ABCF1: variants seen among roughly 807,000 people sequenced by gnomAD.
ABCF1 encodes the protein ATP-binding cassette sub-family F member 1.
In ABCF1, 73 loss-of-function variants were observed where a neutral mutation model predicts 126.3. That is an observed-to-expected ratio of 0.58 (90% CI 0.48 to 0.70). The LOEUF is 0.70. ABCF1 is among the 30% of genes least tolerant of loss of function. The probability of loss-of-function intolerance (pLI) is 0.00; values close to 1 mark genes in which losing one functional copy is unlikely to be tolerated. For synonymous variants in ABCF1, 345 were observed against 396.4 expected (o/e 0.87, Z 1.54); for missense variants, 786 against 1,057.5 (o/e 0.74, Z 3.56).
chr6:30,581,468 A>G (rs1801813975), intron 8 of ABCF1, among the ~76,000 whole-genome samples: 1 of 145,424 alleles, frequency 6.9e-6, no homozygotes. Context: ...CGGTGGCGCA[A>G]TCTCAGCTCA....
rs1193304223 is a variant in ABCF1, at chr6:30,591,213, G to A, written c.*512G>A. 2 of 153,872 alleles carry A rather than the reference G, an allele frequency of 1.3e-5. No homozygotes were observed. The highest frequency in any genetic ancestry group is 3.8e-4 in the East Asian group (2 of 5,232). The allele number at this position is 153,872 out of a possible 1,614,324, so 9.5% of individuals were successfully genotyped here. ...TCCAGCCCAAGATTTGGTGCCTGCA[G>A]CCTCTTGTCTGGTTGAGGACTTGGG... On this transcript the variant is annotated 3_prime_UTR_variant, in exon 25 of 25. Coordinates refer to ENST00000326195, the MANE Select transcript of ABCF1 (RefSeq NM_001025091.2).
Position 30,574,810 on chromosome 6 carries a change from C to T in ABCF1, c.74-2599C>T, listed in dbSNP as rs1240876223. The stretch of plus-strand genomic sequence containing the variant: ...CAGATTAAGCAAAGACAGACATAAG[C>T]GTGCCTGGGACTTCATAAAGGAACA... On this transcript the variant is annotated intron_variant, in intron 1 of 24. Transcript: ENST00000326195. The surrounding 1 kb of genome is among the most constrained non-coding windows in gnomAD (Gnocchi z 4.3). Among the ~76,000 whole-genome samples, 1 of 151,938 alleles carries T rather than the reference C, an allele frequency of 6.6e-6. No individual in the cohort carries two copies. The highest frequency in any genetic ancestry group is 1.5e-5 in the Non-Finnish European group (1 of 68,008).
At chr6:30,576,443 A>C (rs1363066766) in intron 1 of ABCF1, among the ~76,000 whole-genome samples, 1 of 151,588 alleles carries the variant, frequency 6.6e-6, no homozygotes, top group African/African-American at 2.4e-5. Context: ...GCCCGCCACT[A>C]TGCCTGGCTA....
chr6:30,584,670 T>C lies in ABCF1; in HGVS notation c.1391+104T>C. ...CAAGGCCAATAGGGAGGCTCAAGGC[T>C]TACCTCTCCCTCCTTACTATCTGTG... On this transcript the variant is annotated intron_variant, in intron 14 of 24. Coordinates refer to ENST00000326195, the MANE Select transcript of ABCF1 (RefSeq NM_001025091.2). The surrounding 1 kb of genome is among the most constrained non-coding windows in gnomAD (Gnocchi z 4.6). 2.1e-6 allele frequency: 3 copies of C among 1,397,694 alleles called. No individual in the cohort carries two copies. Among genetic ancestry groups the C allele is most frequent in the Non-Finnish European group, 2.9e-6 (3 of 1,042,446 alleles). The allele number at this position is 1,397,694 out of a possible 1,614,324, so 86.6% of individuals were successfully genotyped here. A position where few individuals can be genotyped will look rare whatever the true frequency, so the allele number is the denominator to read the frequency against.
In ABCF1 at chr6:30,586,655, C is replaced by T; in HGVS notation, c.1975C>T (p.Pro659Ser). 1.2e-6 allele frequency: 2 copies of T among 1,613,602 alleles called. No homozygotes were observed. Among genetic ancestry groups the T allele is most frequent in the Non-Finnish European group, 1.7e-6 (2 of 1,180,014 alleles). The part of the protein sequence containing the change: ...DMDSRICIVG[P>S]NGVGKSTLLL... ...CCATCTTGCAGTTTGCATTGTGGGC[C>T]CTAATGGTGTGGGGAAGAGTACGCT... Residue 659 changes from proline to serine, a missense_variant, in exon 20 of 25, where the codon CCT becomes TCT. By Grantham distance (74) the Pro-to-Ser change is moderately conservative. Around this residue, in one of 4 missense-constraint regions of ABCF1, gnomAD observed 288 missense variants for 423.5 expected, o/e 0.68. Transcript: ENST00000326195. The surrounding 1 kb of genome is among the most constrained non-coding windows in gnomAD (Gnocchi z 4.9).
At chr6:30,582,349 C>A in intron 8 of ABCF1, 45 bp from the exon 9 acceptor site, 1 of 1,329,520 alleles carries the variant, frequency 7.5e-7, no homozygotes, top group Non-Finnish European at 1.1e-6. Flanking sequence ...AGCCACCGCG[C>A]CCAGCCAGGA....
chr6:30,585,915 A>C lies in ABCF1; in HGVS notation c.1637A>C (p.Glu546Ala). ...FKKMYQQKQK[E>A]LLKQYEKQEK... ...AAGATGTACCAGCAGAAGCAGAAAG[A>C]ACTGCTGAAACAGTATGAGAAGCAA... The change falls in exon 17 of 25, where the codon GAA becomes GCA. Residue 546 changes from glutamate (E) to alanine (A), a missense_variant. By Grantham distance (107) the Glu-to-Ala change is moderately radical. Coordinates refer to ENST00000326195, the MANE Select transcript of ABCF1 (RefSeq NM_001025091.2). 1 of 1,609,632 alleles carries C rather than the reference A, an allele frequency of 6.2e-7. No individual in the cohort carries two copies. The highest frequency in any genetic ancestry group is 8.5e-7 in the Non-Finnish European group (1 of 1,178,154).
chr6:30,572,367 G>C (rs1259948809), intron 1 of ABCF1, among the ~76,000 whole-genome samples: 4 of 152,204 alleles, frequency 2.6e-5, no homozygotes, highest in Non-Finnish European at 5.9e-5. Context: ...TGAAGGGTCA[G>C]AGCATTAACC....
intron 24 of ABCF1, 28 bp downstream of exon 24, chr6:30,590,406 C>T (rs765377362): frequency 4.4e-6 from 7 of 1,593,132 alleles, no homozygotes; most frequent in South Asian, 3.4e-5. Context: ...GTGCCCTCAT[C>T]CCTGCTCCAT....
chr6:30,584,398 C>T lies in ABCF1; in HGVS notation c.1243-20C>T, dbSNP rs572048379. Reference sequence around the variant, plus strand: ...GTTCCTGGGACCCTCAGACGTGTGTCCTCTTCTCCCTCCTCCCAGGTGTAT... The same window carrying T: ...GTTCCTGGGACCCTCAGACGTGTGTTCTCTTCTCCCTCCTCCCAGGTGTAT... On this transcript the variant is annotated intron_variant, in intron 13 of 24. Transcript: ENST00000326195. This position sits in a 1 kb window ranked among gnomAD's most constrained non-coding sequence, Gnocchi z 4.6. 1 of 1,613,096 alleles carries T rather than the reference C, an allele frequency of 6.2e-7. No individual in the cohort carries two copies. The highest frequency in any genetic ancestry group is 1.3e-5 in the African/African-American group (1 of 75,042).
At chr6:30,579,672 G>A (rs1364364529) in intron 6 of ABCF1, among the ~76,000 whole-genome samples, 3 of 151,888 alleles carry the variant, frequency 2.0e-5, no homozygotes, top group Non-Finnish European at 4.4e-5. Context: ...TGACCAGGAT[G>A]GTCTCGATCT....
chr6:30,586,101 C>T lies in ABCF1; in HGVS notation c.1714-33C>T, dbSNP rs1451963713. On this transcript the variant is annotated intron_variant, in intron 17 of 24. Transcript: ENST00000326195. The surrounding 1 kb of genome is among the most constrained non-coding windows in gnomAD (Gnocchi z 4.9). ...ACATTTCAAGGACTGCCGCGCAGGG[C>T]TCAGGTTTCTCTTTTTTCCTCTTCC... 1.9e-6 allele frequency: 3 copies of T among 1,605,758 alleles called. No individual in the cohort carries two copies. Among genetic ancestry groups the T allele is most frequent in the Non-Finnish European group, 2.5e-6 (3 of 1,176,882 alleles).
chr6:30,574,062 A>C lies in ABCF1; in HGVS notation c.73+2502A>C, dbSNP rs1400579013. Among the ~76,000 whole-genome samples, 1 of 152,138 alleles carries C rather than the reference A, an allele frequency of 6.6e-6. No homozygotes were observed. Among genetic ancestry groups the C allele is most frequent in the Non-Finnish European group, 1.5e-5 (1 of 68,020 alleles). On this transcript the variant is annotated intron_variant, in intron 1 of 24. Transcript: ENST00000326195. The surrounding 1 kb of genome is among the most constrained non-coding windows in gnomAD (Gnocchi z 4.3). Reference sequence around the variant, plus strand: ...TTCCTTGGGGATTATACTTTCTCACAATGAAACTCTTCGGAGGCTTTTCCT... The same window carrying C: ...TTCCTTGGGGATTATACTTTCTCACCATGAAACTCTTCGGAGGCTTTTCCT...
At chr6:30,582,218 G>C (rs186870566) in intron 8 of ABCF1, among the ~76,000 whole-genome samples, 176 bp from the exon 9 acceptor site, 1 of 151,982 alleles carries the variant, frequency 6.6e-6, no homozygotes, top group Non-Finnish European at 1.5e-5. Context: ...CACCACGTCC[G>C]GCTAATTTTT....
rs547531873 is a variant in ABCF1, at chr6:30,584,650, C to T, written c.1391+84C>T. The stretch of plus-strand genomic sequence containing the variant: ...TCTTTCCCTTCTCATTCTTCCAAGG[C>T]CAATAGGGAGGCTCAAGGCTTACCT... On this transcript the variant is annotated intron_variant, in intron 14 of 24. Coordinates refer to ENST00000326195, the MANE Select transcript of ABCF1 (RefSeq NM_001025091.2). This position sits in a 1 kb window ranked among gnomAD's most constrained non-coding sequence, Gnocchi z 4.6. 2.0e-6 allele frequency: 3 copies of T among 1,490,322 alleles called. No homozygotes were observed. Among genetic ancestry groups the T allele is most frequent in the East Asian group, 4.6e-5 (2 of 43,950 alleles). The allele number at this position is 1,490,322 out of a possible 1,614,324, so 92.3% of individuals were successfully genotyped here. A position where few individuals can be genotyped will look rare whatever the true frequency, so the allele number is the denominator to read the frequency against.
rs9256927 is a variant in ABCF1, at chr6:30,576,276, CTTTTTTTTTTTTTT to C, written c.74-1117_74-1104del. On this transcript the variant is annotated intron_variant, in intron 1 of 24. Coordinates refer to ENST00000326195, the MANE Select transcript of ABCF1 (RefSeq NM_001025091.2). ...AACACAGGAGTCATCTCTGAGTGCTCTTTTTTTTTTTTTTTTTTTTTTTTTTTTTGAGATAGAGT... is the reference window on the plus strand; with the variant it reads ...AACACAGGAGTCATCTCTGAGTGCTCTTTTTTTTTTTTTTTGAGATAGAGT... Among the ~76,000 whole-genome samples the C allele has an allele frequency of 2.0e-4, 9 of 44,160 alleles. 1 individual carries two copies. Among genetic ancestry groups the C allele is most frequent in the South Asian group, 1.3e-3 (1 of 744 alleles). The allele number at this position is 44,160 out of a possible 152,430, so 29.0% of individuals were successfully genotyped here.
intron 6 of ABCF1, among the ~76,000 whole-genome samples, chr6:30,578,797 C>T (rs771521228): frequency 6.6e-5 from 10 of 152,060 alleles, no homozygotes; most frequent in Admixed American, 1.3e-4. Context: ...GTCAAGAGAT[C>T]GAGACCAGCC....
chr6:30,584,434 G>A lies in ABCF1; in HGVS notation c.1259G>A (p.Arg420Gln), dbSNP rs971397149. The change falls in exon 14 of 25, where the codon CGG (arginine) becomes CAG (glutamine). Residue 420 changes from arginine to glutamine, a missense_variant. Transcript: ENST00000326195. The surrounding 1 kb of genome is among the most constrained non-coding windows in gnomAD (Gnocchi z 4.6). Reference sequence around the variant, plus strand: ...TCCTCCCAGGTGTATGAGGAATTGCGGGCCACTGGGGCGGCAGCTGCAGAG... The same window carrying A: ...TCCTCCCAGGTGTATGAGGAATTGCAGGCCACTGGGGCGGCAGCTGCAGAG... ...ERLEKVYEELRATGAAAAEAK... is the reference protein window; with the variant it reads ...ERLEKVYEELQATGAAAAEAK... 5.0e-6 allele frequency: 8 copies of A among 1,613,062 alleles called. 1 individual carries two copies. Among genetic ancestry groups the A allele is most frequent in the South Asian group, 4.4e-5 (4 of 91,078 alleles).
In ABCF1 at chr6:30,586,022, G is replaced by T. The variant is rs1014558127; in HGVS notation, c.1713+31G>T. 3.1e-6 allele frequency: 5 copies of T among 1,595,864 alleles called. No individual in the cohort carries two copies. The highest frequency in any genetic ancestry group is 1.3e-5 in the African/African-American group (1 of 74,200). On this transcript the variant is annotated intron_variant, in intron 17 of 24. Transcript: ENST00000326195. This position sits in a 1 kb window ranked among gnomAD's most constrained non-coding sequence, Gnocchi z 4.9. ...CACCTGAGGGACTTCTGGGCTGGGGGCCACTGTTCTCTCCTGGCAGTGGAG... is the reference window on the plus strand; with the variant it reads ...CACCTGAGGGACTTCTGGGCTGGGGTCCACTGTTCTCTCCTGGCAGTGGAG...
Sources: gnomAD v4.1 joint callset for allele counts (sites outside exome capture counted in the v4.1 genomes callset) on GRCh38, gnomAD v4.1.1 for gene constraint, gnomAD v4.1.1 regional missense constraint, Gnocchi (gnomAD v3.1) non-coding constraint, MANE v1.5 for transcripts, NCBI Gene and HGNC (gene_info 2026-07-23, HGNC 2026-07-21) for gene names.